HTR2C: variants seen among roughly 807,000 people sequenced by gnomAD.
HTR2C encodes 5-hydroxytryptamine (serotonin) receptor 2C, G protein-coupled.
Under a neutral mutation model 21.0 loss-of-function variants are expected in HTR2C, and 5 were observed. The ratio of observed to expected loss-of-function variants is 0.24; its 90% confidence interval spans 0.12 to 0.50. HTR2C has a LOEUF of 0.50. HTR2C is among the 20% of genes least tolerant of loss of function. The pLI is 0.98. For synonymous variants in HTR2C, 150 were observed against 145.3 expected (o/e 1.03, Z -0.23); for missense variants, 271 against 371.2 (o/e 0.73, Z 2.22).
intron 5 of HTR2C, among the ~76,000 whole-genome samples, chrX:114,857,530 G>A (rs1556471394): frequency 9.0e-6 from 1 of 111,041 alleles, no homozygotes; most frequent in African/African-American, 3.3e-5. Context: ...TGGTTTTTAA[G>A]CATTTCGACG....
intron 4 of HTR2C, among the ~76,000 whole-genome samples, chrX:114,734,564 T>TAAAAAAAAAAAAA (rs61672860): frequency 7.3e-4 from 25 of 34,294 alleles, no homozygotes; most frequent in African/African-American, 3.0e-3. Flanking sequence ...GCCTTACATG[T>TAAAAAAAAAAAAA]AAAAAAAAAA....
rs782668584 is a variant in HTR2C at position 114,707,758 on chromosome X, CAG to C, written c.-79-19097_-79-19096del. Among the ~76,000 whole-genome samples, 13 of 110,784 alleles carry C rather than the reference CAG, an allele frequency of 1.2e-4. No individual in the cohort carries two copies. The East Asian group carries it at 2.9e-3, about 24-fold the overall frequency. On this transcript the variant is annotated intron_variant, in intron 2 of 5. Coordinates refer to ENST00000276198, the MANE Select transcript of HTR2C (RefSeq NM_000868.4). Reference sequence around the variant, plus strand: ...TTCTTTCCCTGTTCTTGTAAATTCTCAGAGTGATTGTCAGTCTTTCTCATTTG... The same window carrying C: ...TTCTTTCCCTGTTCTTGTAAATTCTCAGTGATTGTCAGTCTTTCTCATTTG...
chrX:114,707,052 T>A (rs1339715463), intron 2 of HTR2C, among the ~76,000 whole-genome samples: 1 of 111,832 alleles, frequency 8.9e-6, no homozygotes, highest in South Asian at 3.6e-4. Flanking sequence ...TACTATTGCA[T>A]ATAAAGAGCA....
At chrX:114,776,084 A>C in intron 4 of HTR2C, 1 of 467,153 alleles carries the variant, frequency 2.1e-6, no homozygotes, top group Non-Finnish European at 3.8e-6. Context: ...TCGGTTGTCA[A>C]AGTCTTCTTC....
intron 4 of HTR2C, among the ~76,000 whole-genome samples, chrX:114,836,290 C>T (rs782266318): frequency 3.6e-5 from 4 of 111,161 alleles, no homozygotes; most frequent in African/African-American, 1.3e-4. Context: ...CAATGGCGGG[C>T]GCCCCTCCCC....
intron 4 of HTR2C, among the ~76,000 whole-genome samples, chrX:114,806,386 A>ATATACCATATATATACACAACTTATG (rs1569495818): frequency 2.0e-4 from 16 of 79,767 alleles, no homozygotes; most frequent in African/African-American, 7.2e-4. Flanking sequence ...CACACCATAT[A>ATATACCATATATATACACAACTTATG]TATATACTGT....
intron 4 of HTR2C, among the ~76,000 whole-genome samples, chrX:114,774,201 T>TA (rs2147393005): frequency 9.0e-6 from 1 of 111,564 alleles, no homozygotes; most frequent in Non-Finnish European, 1.9e-5. Flanking sequence ...GAAATTTATG[T>TA]AAAAAATAAT....
intron 2 of HTR2C, among the ~76,000 whole-genome samples, chrX:114,698,814 G>T (rs1932366042): frequency 9.0e-6 from 1 of 111,609 alleles, no homozygotes; most frequent in Admixed American, 9.5e-5. Flanking sequence ...TTTGTCATGT[G>T]CACTTAAATT....
rs1556388835 is a variant in HTR2C, at chrX:114,584,236, TTCTG to T, written c.-564_-561del. On this transcript the variant is annotated 5_prime_UTR_variant, in exon 1 of 6. The change creates a premature stop within an existing upstream ORF in the 5' untranslated region. Transcript: ENST00000276198. ...CCTGCCGATTGCATATGAACTCTTC[TTCTG>T]TCTGTACATCGTTGTCGTCGGAGTC... 8.8e-6 allele frequency: 1 copy of T among 113,053 alleles called. No homozygotes were observed. Among genetic ancestry groups the T allele is most frequent in the Non-Finnish European group, 1.9e-5 (1 of 53,365 alleles). The allele number at this position is 113,053 out of a possible 1,213,427, so 9.3% of individuals were successfully genotyped here.
chrX:114,869,905 A>G (rs926629978), intron 5 of HTR2C, among the ~76,000 whole-genome samples: 3 of 111,736 alleles, frequency 2.7e-5, no homozygotes, highest in Non-Finnish European at 3.8e-5. Flanking sequence ...CTATTTCAAC[A>G]TCAATTCAAA....
intron 3 of HTR2C, among the ~76,000 whole-genome samples, chrX:114,730,215 G>A (rs1556422936): frequency 9.0e-6 from 1 of 111,521 alleles, no homozygotes; most frequent in Non-Finnish European, 1.9e-5. Context: ...ATCTCATGTC[G>A]CCATAGGGGG....
At chrX:114,862,619 T>C (rs2071014987) in intron 5 of HTR2C, among the ~76,000 whole-genome samples, 1 of 111,037 alleles carries the variant, frequency 9.0e-6, no homozygotes, top group South Asian at 3.7e-4. Context: ...ATAATAGTTG[T>C]ACATATTTTT....
intron 5 of HTR2C, among the ~76,000 whole-genome samples, chrX:114,893,953 G>T (rs1249132189): frequency 8.9e-6 from 1 of 111,864 alleles, no homozygotes; most frequent in African/African-American, 3.2e-5. Flanking sequence ...AGACTGTGAT[G>T]ATAATGCAAC....
At chrX:114,738,244 T>C (rs1341500023) in intron 4 of HTR2C, among the ~76,000 whole-genome samples, 2 of 111,421 alleles carry the variant, frequency 1.8e-5, no homozygotes, top group Non-Finnish European at 3.8e-5. Flanking sequence ...AATATTGTAT[T>C]GCATGCTTGA....
intron 2 of HTR2C, among the ~76,000 whole-genome samples, chrX:114,689,413 G>A (rs1260058923): frequency 9.2e-6 from 1 of 109,279 alleles, no homozygotes; most frequent in Non-Finnish European, 1.9e-5. Context: ...TCTACTTTCA[G>A]TTCTTTAAGG....
At chrX:114,870,139 A>G (rs1223777543) in intron 5 of HTR2C, among the ~76,000 whole-genome samples, 1 of 108,493 alleles carries the variant, frequency 9.2e-6, no homozygotes, top group Non-Finnish European at 1.9e-5. Flanking sequence ...CCAGGCTGCA[A>G]TGCAATGGCA....
At chrX:114,823,583 C>A (rs1556457168) in intron 4 of HTR2C, 1 of 336,028 alleles carries the variant, frequency 3.0e-6, no homozygotes, top group Non-Finnish European at 6.0e-6. Flanking sequence ...ACCAGAAACA[C>A]CACTCTGCTT....
chrX:114,836,798 A>AT (rs1223207089), intron 4 of HTR2C, among the ~76,000 whole-genome samples: 1 of 111,257 alleles, frequency 9.0e-6, no homozygotes, highest in Non-Finnish European at 1.9e-5. Flanking sequence ...AAATTGATTG[A>AT]TTTTTTTCAG....
chrX:114,635,711 A>T (rs181798778), intron 2 of HTR2C, among the ~76,000 whole-genome samples: 1 of 111,818 alleles, frequency 8.9e-6, no homozygotes, highest in Non-Finnish European at 1.9e-5. Context: ...TTCCTGCTTT[A>T]ATTTTTATGG....
Sources: gnomAD v4.1 joint callset for allele counts (sites outside exome capture counted in the v4.1 genomes callset) on GRCh38, gnomAD v4.1.1 for gene constraint, MANE v1.5 for transcripts, NCBI Gene and HGNC (gene_info 2026-07-23, HGNC 2026-07-21) for gene names.